Variants in ANKUB1 observed in about 807,000 individuals in gnomAD.
ANKUB1 encodes ankyrin repeat and ubiquitin domain containing 1, also known as protein ANKUB1.
A neutral mutation model predicts 49.3 loss-of-function variants in ANKUB1; 42 were observed. The ratio of observed to expected loss-of-function variants is 0.85; its 90% CI spans 0.67 to 1.10. The LOEUF (loss-of-function observed/expected upper bound fraction) is 1.10, where lower values mean the gene tolerates loss of function less well. Among genes scored for constraint, ANKUB1 ranks in the 50% least tolerant of loss-of-function variants. The pLI is 0.00. For synonymous variants in ANKUB1, 222 were observed against 231.0 expected (o/e 0.96, Z 0.35); for missense variants, 613 against 642.0 (o/e 0.95, Z 0.49).
chr3:149,761,536 G>A lies in ANKUB1; in HGVS notation c.1583C>T (p.Thr528Ile). 3 of 1,551,456 alleles carry A rather than the reference G, an allele frequency of 1.9e-6. No individual in the cohort carries two copies. The highest frequency in any genetic ancestry group is 2.6e-6 in the Non-Finnish European group (3 of 1,146,820). ...ACACGCTGTCAGACCTCCTCGGGTA[G>A]TCAAGTTAGAAATGCTCTTTTTGGC... ...VLAKKSISNL[T>I]TRGGLTACEN... is the part of the protein sequence containing the mutation. Residue 528 changes from threonine (T) to isoleucine (I), a missense_variant, in exon 6 of 6, where the codon ACT (threonine) becomes ATT (isoleucine). Coordinates refer to ENST00000446160, the MANE Select transcript of ANKUB1 (RefSeq NM_001144960.3).
chr3:149,775,895 G>A (rs561804793), intron 3 of ANKUB1, among the ~76,000 whole-genome samples: 29 of 151,872 alleles, frequency 1.9e-4, no homozygotes, highest in South Asian at 8.3e-4. Flanking sequence ...AAGACTAGGT[G>A]TGTGTGTGCG....
At chr3:149,782,195 A>T (rs1717900735) in intron 2 of ANKUB1, among the ~76,000 whole-genome samples, 1 of 152,184 alleles carries the variant, frequency 6.6e-6, no homozygotes, top group African/African-American at 2.4e-5. Context: ...ATGCAAACAA[A>T]TGACAAAATA....
At chr3:149,782,201 A>G (rs1717901077) in intron 2 of ANKUB1, among the ~76,000 whole-genome samples, 1 of 152,176 alleles carries the variant, frequency 6.6e-6, no homozygotes, top group African/African-American at 2.4e-5. Context: ...ACAAATGACA[A>G]AATAAATCCA....
At chr3:149,785,589 C>T (rs141901068) in intron 2 of ANKUB1, among the ~76,000 whole-genome samples, 3,803 of 152,256 alleles carry the variant, frequency 0.025, 59 homozygotes, top group Non-Finnish European at 0.03. Context: ...AGGACATGAA[C>T]TCATCCTTTT....
chr3:149,787,742 T>C (rs1390386510), intron 2 of ANKUB1, among the ~76,000 whole-genome samples: 1 of 152,210 alleles, frequency 6.6e-6, no homozygotes, highest in African/African-American at 2.4e-5. Context: ...GAAAAAGCAT[T>C]GTCTAAAGAA....
Position 149,761,298 on chromosome 3 carries a change from A to G in ANKUB1, c.*186T>C. On this transcript the variant is annotated 3_prime_UTR_variant, in exon 6 of 6. Transcript: ENST00000446160. ...CTCATATTCTTTATGCAAAAATAGC[A>G]CTAAAGTTTCACTTAGTGTGATGAA... The G allele has an allele frequency of 1.7e-6, 1 of 604,242 alleles. No individual in the cohort carries two copies. Among genetic ancestry groups the G allele is most frequent in the Non-Finnish European group, 2.6e-6 (1 of 383,520 alleles). The allele number at this position is 604,242 out of a possible 1,614,324, so 37.4% of individuals were successfully genotyped here.
At chr3:149,769,639 C>G (rs1350636904) in intron 4 of ANKUB1, among the ~76,000 whole-genome samples, 2 of 152,184 alleles carry the variant, frequency 1.3e-5, no homozygotes, top group Admixed American at 1.3e-4. Context: ...TCATCTAACA[C>G]AAAGCCTATA....
intron 2 of ANKUB1, among the ~76,000 whole-genome samples, chr3:149,784,998 G>A (rs115606398): frequency 0.013 from 1,957 of 152,138 alleles, 33 homozygotes; most frequent in African/African-American, 0.044. Flanking sequence ...TTAAGCAATC[G>A]TTTCCATGAT....
rs774804675 is a variant in ANKUB1, at chr3:149,766,651, A to T, written c.1505+506T>A. On this transcript the variant is annotated intron_variant, in intron 5 of 5. Coordinates refer to ENST00000446160, the MANE Select transcript of ANKUB1 (RefSeq NM_001144960.3). The stretch of plus-strand genomic sequence containing the variant: ...CTCATCTCTACAGAAAAAAAAAATC[A>T]ATCAGATATAGTGGCATGTGCCTGT... 2.0e-4 allele frequency: 101 copies of T among 512,000 alleles called. 7 individuals carry two copies. Among genetic ancestry groups the T allele is most frequent in the Non-Finnish European group, 3.0e-4 (84 of 282,662 alleles). The allele number at this position is 512,000 out of a possible 1,614,324, so 31.7% of individuals were successfully genotyped here.
chr3:149,765,531 A>T (rs1488498322), intron 5 of ANKUB1, among the ~76,000 whole-genome samples: 2 of 151,038 alleles, frequency 1.3e-5, no homozygotes, highest in African/African-American at 4.9e-5. Context: ...CTTATCTAAA[A>T]CCACACACAC....
chr3:149,767,514 T>G lies in ANKUB1; in HGVS notation c.1148A>C (p.Gln383Pro), dbSNP rs1484286988. Reference protein sequence around the residue: ...IVLKLPSLSKQTASSKPVNPL... With the variant: ...IVLKLPSLSKPTASSKPVNPL... ...ATTGACAGGTTTGCTGCTTGCAGTT[T>G]GTTTGCTGAGAGATGGTAGCTTGAG... is the stretch of plus-strand genomic sequence containing the variant. Residue 383 changes from glutamine to proline, a missense_variant, in exon 5 of 6, where the codon CAA (glutamine) becomes CCA (proline). Transcript: ENST00000446160. 1 of 1,551,602 alleles carries G rather than the reference T, an allele frequency of 6.4e-7. No individual in the cohort carries two copies. The highest frequency in any genetic ancestry group is 1.4e-5 in the African/African-American group (1 of 73,048).
At chr3:149,790,487 C>T (rs1718311306) in intron 2 of ANKUB1, among the ~76,000 whole-genome samples, 1 of 152,144 alleles carries the variant, frequency 6.6e-6, no homozygotes, top group Non-Finnish European at 1.5e-5. Flanking sequence ...TCCAGATCTG[C>T]CCCTTGGCTT....
At chr3:149,776,267 C>T (rs73870409) in intron 3 of ANKUB1, among the ~76,000 whole-genome samples, 3,771 of 152,296 alleles carry the variant, frequency 0.025, 57 homozygotes, top group Non-Finnish European at 0.03. Context: ...CTGACTCTGA[C>T]AGCTTTCCAT....
At chr3:149,789,811 G>A (rs1718279340) in intron 2 of ANKUB1, among the ~76,000 whole-genome samples, 2 of 151,860 alleles carry the variant, frequency 1.3e-5, no homozygotes, top group African/African-American at 4.8e-5. Context: ...TGTGTTTTTA[G>A]TAGAGATGGG....
At chr3:149,764,199 C>A (rs550166552) in intron 5 of ANKUB1, among the ~76,000 whole-genome samples, 5 of 152,276 alleles carry the variant, frequency 3.3e-5, no homozygotes, top group Admixed American at 2.0e-4. Context: ...GGTGCTCAGA[C>A]CACCTGACTG....
At position 149,790,633 on chromosome 3, in the gene ANKUB1, C is replaced by T. The variant is rs1576686211; in HGVS notation, c.234+148G>A. Reference sequence around the variant, plus strand: ...ACTTCCCCTTACAGCACAAAGCATGCGTAAGACCTGTTATACAAATGGAAG... The same window carrying T: ...ACTTCCCCTTACAGCACAAAGCATGTGTAAGACCTGTTATACAAATGGAAG... On this transcript the variant is annotated intron_variant, in intron 2 of 5. Coordinates refer to ENST00000446160, the MANE Select transcript of ANKUB1 (RefSeq NM_001144960.3). The T allele has an allele frequency of 2.8e-5, 22 of 776,274 alleles. No homozygotes were observed. In the South Asian group the frequency reaches 3.0e-4, roughly 11 times the overall value. The allele number at this position is 776,274 out of a possible 1,614,324, so 48.1% of individuals were successfully genotyped here.
intron 2 of ANKUB1, among the ~76,000 whole-genome samples, chr3:149,780,951 T>A (rs1001730205): frequency 1.1e-4 from 16 of 151,988 alleles, no homozygotes; most frequent in Non-Finnish European, 1.9e-4. Flanking sequence ...TTGACTTTTT[T>A]AAAAGCCAAA....
intron 1 of ANKUB1, 141 bp downstream of exon 1, chr3:149,792,136 A>C (rs1022252926): frequency 8.2e-6 from 4 of 485,648 alleles, no homozygotes; most frequent in African/African-American, 8.0e-5. Flanking sequence ...TGTGTAAGCA[A>C]ATAATAGTAT....
Position 149,767,181 on chromosome 3 carries a change from G to A in ANKUB1, c.1481C>T (p.Ala494Val), listed in dbSNP as rs986794872. 4 of 1,532,710 alleles carry A rather than the reference G, an allele frequency of 2.6e-6. No homozygotes were observed. The highest frequency in any genetic ancestry group is 8.8e-7 in the Non-Finnish European group (1 of 1,140,462). The allele number at this position is 1,532,710 out of a possible 1,614,324, so 94.9% of individuals were successfully genotyped here. Residue 494 changes from alanine (A) to valine (V), a missense_variant, in exon 5 of 6, where the codon GCA becomes GTA. Physicochemically the swap from Ala to Val is moderately conservative, Grantham distance 64 (BLOSUM62 0). Coordinates refer to ENST00000446160, the MANE Select transcript of ANKUB1 (RefSeq NM_001144960.3). ...EHSGKTPWEN[A>V]IYCLAVASAF... ...CCTTGCCACAGCTAAGCAGTAGATT[G>A]CGTTCTCCCATGGAGTCTTCCCACT...
Sources: allele counts gnomAD v4.1 joint callset (sites outside exome capture counted in the v4.1 genomes callset), GRCh38; gene constraint gnomAD v4.1.1; transcripts MANE v1.5; gene names NCBI Gene and HGNC (gene_info 2026-07-23, HGNC 2026-07-21).